SYNE2: variants seen among roughly 807,000 people sequenced by gnomAD.
SYNE2 encodes the protein spectrin repeat containing nuclear envelope protein 2.
In SYNE2, 431 loss-of-function variants were observed where a neutral mutation model predicts 856.3. The observed-to-expected ratio is 0.50, with a 90% CI of 0.47 to 0.55. SYNE2 has a LOEUF of 0.55. SYNE2 is among the 20% of genes least tolerant of loss of function. SYNE2 has a pLI of 0.00. For missense variants in SYNE2, 8,129 were observed against 8,023.2 expected, an observed-to-expected ratio of 1.01 and a Z score of -0.50; for synonymous variants, 2,923 against 2,872.3, an observed-to-expected ratio of 1.02 and a Z score of -0.56.
At chr14:63,825,084 A>G (rs1889370550) in intron 1 of SYNE2, among the ~76,000 whole-genome samples, 1 of 152,096 alleles carries the variant, frequency 6.6e-6, no homozygotes, top group African/African-American at 2.4e-5. Context: ...TGGGTGACAG[A>G]GGTAGACTGT....
Position 64,031,230 on chromosome 14 carries a change from G to A in SYNE2, c.7094G>A (p.Arg2365His), listed in dbSNP as rs1479401840. The change falls in exon 45 of 116, where the codon CGC (arginine) becomes CAC (histidine). Residue 2365 changes from arginine to histidine, a missense_variant. By Grantham distance (29) the Arg-to-His change is conservative. Around this residue, in one of 3 missense-constraint regions of SYNE2, gnomAD observed 297 missense variants for 380.9 expected, o/e 0.78. Coordinates refer to ENST00000555002, the MANE Select transcript of SYNE2 (RefSeq NM_182914.3). The part of the protein sequence containing the change: ...CCLNSILKSK[R>H]STEKKGKFTL... Reference sequence around the variant, plus strand: ...CTCAACAGCATTCTCAAATCAAAACGCTCAACAGAAAAGAAAGGAAAGTTT... The same window carrying A: ...CTCAACAGCATTCTCAAATCAAAACACTCAACAGAAAAGAAAGGAAAGTTT... The A allele has an allele frequency of 6.2e-7, 1 of 1,614,004 alleles. No individual in the cohort carries two copies. Among genetic ancestry groups the A allele is most frequent in the African/African-American group, 1.3e-5 (1 of 74,922 alleles).
chr14:64,219,163 C>G lies in SYNE2; in HGVS notation c.19658-45C>G. The G allele has an allele frequency of 9.6e-6, 10 of 1,036,984 alleles. No individual in the cohort carries two copies. In the Admixed American group the frequency reaches 1.6e-4, roughly 16 times the overall value. 64.2% of individuals were successfully genotyped at this position (1,036,984 alleles called of 1,614,324 possible). On this transcript the variant is annotated intron_variant, in intron 109 of 115. Coordinates refer to ENST00000555002, the MANE Select transcript of SYNE2 (RefSeq NM_182914.3). Reference sequence around the variant, plus strand: ...CCTAATTAGCTGGAGGCAGAGAAATCTGTTGCATTATTGCTTTTTTTAATT... The same window carrying G: ...CCTAATTAGCTGGAGGCAGAGAAATGTGTTGCATTATTGCTTTTTTTAATT...
intron 79 of SYNE2, among the ~76,000 whole-genome samples, chr14:64,139,387 G>A (rs563751816): frequency 6.8e-6 from 1 of 147,820 alleles, no homozygotes; most frequent in South Asian, 2.1e-4. Flanking sequence ...AATAAAGAAT[G>A]CTTTAGACTT....
In SYNE2 at chr14:63,963,911, G is replaced by T. The variant is rs751964336; in HGVS notation, c.901G>T (p.Asp301Tyr). ...GTGTAAAATACAGGGAAAGGTGAAA[G>T]ATGCTATGGGCTGGTTAACTCTGCA... The part of the protein sequence containing the change: ...TGEEAQGKVK[D>Y]AMGWLTLQKE... Residue 301 changes from aspartate (D) to tyrosine (Y), a missense_variant, in exon 10 of 116, where the codon GAT becomes TAT. Coordinates refer to ENST00000555002, the MANE Select transcript of SYNE2 (RefSeq NM_182914.3). The T allele has an allele frequency of 6.2e-7, 1 of 1,612,078 alleles. No homozygotes were observed. The highest frequency in any genetic ancestry group is 2.2e-5 in the East Asian group (1 of 44,762).
chr14:63,838,739 G>T (rs570602993), intron 1 of SYNE2, among the ~76,000 whole-genome samples: 2 of 152,120 alleles, frequency 1.3e-5, no homozygotes, highest in South Asian at 4.2e-4. Context: ...GAACTCCTGG[G>T]CTCAAGTGAT....
At chr14:63,874,341 C>T (rs2140451064) in intron 1 of SYNE2, among the ~76,000 whole-genome samples, 1 of 152,310 alleles carries the variant, frequency 6.6e-6, no homozygotes, top group East Asian at 1.9e-4. Context: ...CTAAATCCTA[C>T]TGAACGCTGT....
rs2096727951 is a variant in SYNE2, at chr14:63,998,247, T to C, written c.3272T>C (p.Leu1091Pro). Reference sequence around the variant, plus strand: ...ATGGAACCCACTATGAAGTTTAGCCTGGCATCAGTGTTAAGGCCTCTGCAA... The same window carrying C: ...ATGGAACCCACTATGAAGTTTAGCCCGGCATCAGTGTTAAGGCCTCTGCAA... ...KAMEPTMKFS[L>P]ASVLRPLQEE... Residue 1091 changes from leucine (L) to proline (P), a missense_variant, in exon 26 of 116, where the codon CTG (leucine) becomes CCG (proline). Leu to Pro is a moderately conservative substitution (Grantham distance 98). Coordinates refer to ENST00000555002, the MANE Select transcript of SYNE2 (RefSeq NM_182914.3). 2 of 1,613,890 alleles carry C rather than the reference T, an allele frequency of 1.2e-6. No homozygotes were observed. The highest frequency in any genetic ancestry group is 2.7e-5 in the African/African-American group (2 of 74,944).
intron 1 of SYNE2, among the ~76,000 whole-genome samples, chr14:63,903,741 A>G (rs1022710397): frequency 6.6e-6 from 1 of 151,776 alleles, no homozygotes; most frequent in African/African-American, 2.4e-5. Context: ...TTTAATGTAA[A>G]TACAACAAAT....
At chr14:63,829,132 G>A (rs1056325203) in intron 1 of SYNE2, among the ~76,000 whole-genome samples, 1 of 152,054 alleles carries the variant, frequency 6.6e-6, no homozygotes, top group African/African-American at 2.4e-5. Context: ...AAAGTCTGGG[G>A]CCAGGCATGG....
chr14:63,900,227 A>G (rs1595523273), intron 1 of SYNE2, among the ~76,000 whole-genome samples: 2 of 152,220 alleles, frequency 1.3e-5, no homozygotes, highest in South Asian at 2.1e-4. Context: ...TCATGATTTG[A>G]GAATTGCTAC....
chr14:63,802,836 T>G (rs887959267), intron 1 of SYNE2, among the ~76,000 whole-genome samples: 2 of 151,886 alleles, frequency 1.3e-5, no homozygotes, highest in Non-Finnish European at 2.9e-5. Context: ...TCAGCGTGTC[T>G]GGAGTTGTTC....
At chr14:63,931,590 A>T (rs1284352543) in intron 2 of SYNE2, among the ~76,000 whole-genome samples, 1 of 151,894 alleles carries the variant, frequency 6.6e-6, no homozygotes. Context: ...ACAAAAAGAG[A>T]AGACATAGGC....
At chr14:63,803,839 C>G (rs1290506936) in intron 1 of SYNE2, among the ~76,000 whole-genome samples, 1 of 152,230 alleles carries the variant, frequency 6.6e-6, no homozygotes, top group Non-Finnish European at 1.5e-5. Flanking sequence ...TTCTATGTCC[C>G]TGCCAAAATC....
chr14:63,913,741 C>T (rs1434651620), intron 2 of SYNE2, among the ~76,000 whole-genome samples: 1 of 144,338 alleles, frequency 6.9e-6, no homozygotes, highest in Non-Finnish European at 1.5e-5. Context: ...GGATTATAGG[C>T]GTGAGCCACA....
rs767825486 is a variant in SYNE2, at chr14:64,130,073, T to G, written c.14165T>G (p.Met4722Arg). The G allele has an allele frequency of 3.8e-5, 61 of 1,613,876 alleles. No individual in the cohort carries two copies. The highest frequency in any genetic ancestry group is 4.8e-5 in the Non-Finnish European group (57 of 1,180,038). Residue 4722 changes from methionine (M) to arginine (R), a missense_variant, in exon 76 of 116, where the codon ATG becomes AGG. Met to Arg is a moderately conservative substitution (Grantham distance 91, BLOSUM62 -1). This residue lies in a region of SYNE2 where 5,410 missense variants were observed against 5,284.8 expected (regional missense o/e 1.02). Coordinates refer to ENST00000555002, the MANE Select transcript of SYNE2 (RefSeq NM_182914.3). ...GATGTACTTGACAGTATGTGGGGAA[T>G]GCTAAGAGCCAGGTACACAGAACTC... Reference protein sequence around the residue: ...LEDVLDSMWGMLRARYTELSS... With the variant: ...LEDVLDSMWGRLRARYTELSS...
chr14:64,037,738 G>A (rs61984119), intron 45 of SYNE2, among the ~76,000 whole-genome samples: 2 of 15,058 alleles, frequency 1.3e-4, no homozygotes, highest in African/African-American at 2.3e-4. Flanking sequence ...CCTCCCTCCC[G>A]GACGGGGCGG....
chr14:63,810,275 A>G (rs1888567849), intron 1 of SYNE2, among the ~76,000 whole-genome samples: 2 of 152,066 alleles, frequency 1.3e-5, no homozygotes, highest in Admixed American at 6.6e-5. Context: ...TGTTTAACTG[A>G]TTAGCAGTAT....
intron 1 of SYNE2, among the ~76,000 whole-genome samples, chr14:63,796,033 A>G (rs1303065677): frequency 6.6e-6 from 1 of 152,276 alleles, no homozygotes; most frequent in Non-Finnish European, 1.5e-5. Context: ...AATGTTGGAA[A>G]TGTTCTAAAC....
intron 1 of SYNE2, among the ~76,000 whole-genome samples, chr14:63,803,219 C>A (rs760528322): frequency 2.0e-5 from 3 of 152,230 alleles, no homozygotes; most frequent in Non-Finnish European, 4.4e-5. Flanking sequence ...GATCCCCCAC[C>A]GGGGCTGCAG....
Sources: allele counts gnomAD v4.1 joint callset (sites outside exome capture counted in the v4.1 genomes callset), GRCh38; gene constraint gnomAD v4.1.1; regional missense constraint gnomAD v4.1.1; transcripts MANE v1.5; gene names NCBI Gene and HGNC (gene_info 2026-07-23, HGNC 2026-07-21).